Variants in GRID2 observed in about 807,000 individuals in gnomAD.
GRID2 encodes glutamate ionotropic receptor delta type subunit 2.
In GRID2, 33 loss-of-function variants were observed where a neutral mutation model predicts 114.8. The ratio of observed to expected loss-of-function variants is 0.29; its 90% CI spans 0.22 to 0.38. The LOEUF (loss-of-function observed/expected upper bound fraction) is 0.38, where lower values mean the gene tolerates loss of function less well. Among genes scored for constraint, GRID2 ranks in the 10% least tolerant of loss-of-function variants. The pLI is 1.00. For synonymous variants in GRID2, 505 were observed against 449.9 expected (o/e 1.12, Z -1.55); for missense variants, 1,184 against 1,257.7 (o/e 0.94, Z 0.89).
intron 1 of GRID2, among the ~76,000 whole-genome samples, chr4:92,541,509 C>G (rs1007975871): frequency 1.3e-5 from 2 of 150,944 alleles, no homozygotes; most frequent in African/African-American, 4.9e-5. Context: ...AATATCTAAT[C>G]CATCTAATTT....
chr4:93,419,093 T>TC (rs1414639095), intron 9 of GRID2, among the ~76,000 whole-genome samples: 1 of 124,346 alleles, frequency 8.0e-6, no homozygotes, highest in African/African-American at 2.7e-5. Flanking sequence ...TTTTTTTTTT[T>TC]TTTACAGTTT....
rs78496840 is a variant in GRID2 at position 92,912,245 on chromosome 4, G to A, written c.245-172750G>A. 2.1e-3 allele frequency among the ~76,000 whole-genome samples: 313 copies of A among 151,894 alleles called. 5 individuals are homozygous for A. In the East Asian group the frequency reaches 0.051, roughly 25 times the overall value. Reference sequence around the variant, plus strand: ...GAGCTTTTAACTTCGTAAAAGAGAAGGGTATACTACACATGATGTTCATCT... The same window carrying A: ...GAGCTTTTAACTTCGTAAAAGAGAAAGGTATACTACACATGATGTTCATCT... On this transcript the variant is annotated intron_variant, in intron 2 of 15. Transcript: ENST00000282020.
intron 1 of GRID2, among the ~76,000 whole-genome samples, chr4:92,453,057 T>G (rs2149080603): frequency 6.6e-6 from 1 of 151,892 alleles, no homozygotes; most frequent in East Asian, 1.9e-4. Context: ...TGGGTGTGTG[T>G]GTGGGGGTGT....
At chr4:92,620,289 G>A (rs1294879969) in intron 2 of GRID2, among the ~76,000 whole-genome samples, 3 of 151,772 alleles carry the variant, frequency 2.0e-5, no homozygotes, top group East Asian at 1.9e-4. Context: ...TACAATGTAA[G>A]TGATGGATTA....
At chr4:93,185,116 T>A (rs1297670102) in intron 4 of GRID2, among the ~76,000 whole-genome samples, 3 of 152,168 alleles carry the variant, frequency 2.0e-5, no homozygotes, top group Admixed American at 6.6e-5. Context: ...AAAAGATGTA[T>A]TTGATTGACT....
intron 14 of GRID2, among the ~76,000 whole-genome samples, chr4:93,631,697 G>A (rs75829378): frequency 0.14 from 20,927 of 152,172 alleles, 1,774 homozygotes; most frequent in Non-Finnish European, 0.19. Context: ...TGTCTTTATA[G>A]CAGCATGATT....
chr4:92,543,416 T>A (rs1286526622), intron 1 of GRID2, among the ~76,000 whole-genome samples: 1 of 152,188 alleles, frequency 6.6e-6, no homozygotes. Context: ...AAAAATTTTA[T>A]AGCAAAAATT....
intron 1 of GRID2, among the ~76,000 whole-genome samples, chr4:92,383,241 T>C (rs531679056): frequency 6.6e-6 from 1 of 151,950 alleles, no homozygotes; most frequent in African/African-American, 2.4e-5. Context: ...TGACATGAGA[T>C]TTGGTGGGGA....
In GRID2 at chr4:93,700,325, AT is replaced by A. The variant is rs887311694; in HGVS notation, c.2361-68880del. On this transcript the variant is annotated intron_variant, in intron 14 of 15. Transcript: ENST00000282020. ...TAAAACCTGTCCCAACCCTGTATGA[AT>A]TTTTAAATAATTTTCATTAATAATC... 1.8e-3 allele frequency among the ~76,000 whole-genome samples: 267 copies of A among 152,246 alleles called. 1 individual carries two copies. Among genetic ancestry groups the A allele is most frequent in the African/African-American group, 6.1e-3 (255 of 41,566 alleles).
chr4:92,868,222 T>G (rs1304946581), intron 2 of GRID2, among the ~76,000 whole-genome samples: 3 of 152,094 alleles, frequency 2.0e-5, no homozygotes, highest in African/African-American at 7.2e-5. Flanking sequence ...TTCTACTACT[T>G]CTTTGAATAG....
chr4:92,886,851 A>T (rs1288034125), intron 2 of GRID2, among the ~76,000 whole-genome samples: 1 of 151,856 alleles, frequency 6.6e-6, no homozygotes, highest in Non-Finnish European at 1.5e-5. Context: ...GGCCTTGAAA[A>T]CCTGACCTCG....
chr4:92,642,800 T>C (rs1731422869), intron 2 of GRID2, among the ~76,000 whole-genome samples: 1 of 151,826 alleles, frequency 6.6e-6, no homozygotes, highest in Non-Finnish European at 1.5e-5. Context: ...GGTCTTCCAC[T>C]TAAATCTTTA....
At chr4:93,131,340 G>C (rs916263468) in intron 4 of GRID2, among the ~76,000 whole-genome samples, 2 of 151,270 alleles carry the variant, frequency 1.3e-5, no homozygotes, top group African/African-American at 4.9e-5. Context: ...TTTTAGGAGA[G>C]ACAGGGTTTC....
rs1730517548 is a variant in GRID2, at chr4:93,088,525, T to A, written c.529+3246T>A. 2.6e-5 allele frequency among the ~76,000 whole-genome samples: 4 copies of A among 152,242 alleles called. No homozygotes were observed. In the South Asian group the frequency reaches 8.3e-4, roughly 32 times the overall value. The stretch of plus-strand genomic sequence containing the variant: ...AGTTCTACTGGTGTGTAAAGAAGTA[T>A]TTAATTTTGGCACCAGTGATTGAAG... On this transcript the variant is annotated intron_variant, in intron 3 of 15. Transcript: ENST00000282020.
intron 4 of GRID2, among the ~76,000 whole-genome samples, chr4:93,134,550 T>G (rs1735069075): frequency 6.6e-6 from 1 of 152,122 alleles, no homozygotes; most frequent in African/African-American, 2.4e-5. Context: ...TGTTTTAAAT[T>G]TTTCTCTTTG....
At chr4:92,677,884 T>A (rs1733456173) in intron 2 of GRID2, among the ~76,000 whole-genome samples, 1 of 152,106 alleles carries the variant, frequency 6.6e-6, no homozygotes, top group African/African-American at 2.4e-5. Context: ...AGGGAAGTTA[T>A]GTTACGTAAA....
At chr4:93,649,552 A>G (rs969567840) in intron 14 of GRID2, among the ~76,000 whole-genome samples, 8 of 152,180 alleles carry the variant, frequency 5.3e-5, no homozygotes, top group Non-Finnish European at 1.0e-4. Flanking sequence ...TCCCAAGTCT[A>G]TACTCCGAGT....
At chr4:92,309,064 T>A (rs1725563820) in intron 1 of GRID2, among the ~76,000 whole-genome samples, 1 of 152,054 alleles carries the variant, frequency 6.6e-6, no homozygotes, top group South Asian at 2.1e-4. Context: ...GGCCTTTGCT[T>A]TCTACGCCAG....
chr4:93,663,779 T>C (rs1723708572), intron 14 of GRID2, among the ~76,000 whole-genome samples: 2 of 152,128 alleles, frequency 1.3e-5, no homozygotes, highest in African/African-American at 2.4e-5. Flanking sequence ...AAACTTTGAG[T>C]GTATTAGTGA....
Sources: allele counts gnomAD v4.1 joint callset (sites outside exome capture counted in the v4.1 genomes callset), GRCh38; gene constraint gnomAD v4.1.1; transcripts MANE v1.5; gene names NCBI Gene and HGNC (gene_info 2026-07-23, HGNC 2026-07-21).